Variants in GRIN3A observed in about 807,000 individuals in gnomAD.
GRIN3A encodes the protein glutamate ionotropic receptor NMDA type subunit 3A, also known as glutamate receptor ionotropic, NMDA 3A.
In GRIN3A, 47 loss-of-function variants were observed where a neutral mutation model predicts 92.4. The ratio of observed to expected loss-of-function variants is 0.51; its 90% confidence interval spans 0.40 to 0.65. GRIN3A has a LOEUF of 0.65. Ranked by LOEUF, GRIN3A falls within the 30% of genes least tolerant of loss-of-function variation. GRIN3A has a pLI of 0.00. For synonymous variants in GRIN3A, 527 were observed against 540.6 expected, an observed-to-expected ratio of 0.97 and a Z score of 0.35; for missense variants, 1,324 against 1,393.1, an observed-to-expected ratio of 0.95 and a Z score of 0.79.
At chr9:101,662,397 G>T (rs866355405) in intron 3 of GRIN3A, among the ~76,000 whole-genome samples, 47 of 151,800 alleles carry the variant, frequency 3.1e-4, no homozygotes, top group African/African-American at 1.1e-3. Context: ...ACTATGCAAG[G>T]TGCTTTACTT....
intron 3 of GRIN3A, among the ~76,000 whole-genome samples, chr9:101,649,433 C>G (rs1239111542): frequency 6.6e-6 from 1 of 151,962 alleles, no homozygotes; most frequent in Non-Finnish European, 1.5e-5. Context: ...ATATTAGCAT[C>G]CCCAGTGGTT....
At chr9:101,697,377 G>A (rs1341212003) in intron 1 of GRIN3A, among the ~76,000 whole-genome samples, 1 of 152,118 alleles carries the variant, frequency 6.6e-6, no homozygotes, top group African/African-American at 2.4e-5. Context: ...GGTCACAGAG[G>A]CAATACTTTC....
chr9:101,587,221 A>G (rs1367248633), intron 6 of GRIN3A, among the ~76,000 whole-genome samples: 6 of 151,826 alleles, frequency 4.0e-5, no homozygotes, highest in Non-Finnish European at 8.8e-5. Context: ...GAGGCAGGAG[A>G]ATTGCTTGAA....
chr9:101,598,424 T>A lies in GRIN3A; in HGVS notation c.2766+14952A>T, dbSNP rs144211217. Among the ~76,000 whole-genome samples, 183 of 152,204 alleles carry A rather than the reference T, an allele frequency of 1.2e-3. 1 individual carries two copies. Among genetic ancestry groups the A allele is most frequent in the African/African-American group, 4.3e-3 (177 of 41,530 alleles). ...TTGAATTAATTAGGTTAAAAAGAGGTATTATTAATTAGGTATTATATTATA... is the reference window on the plus strand; with the variant it reads ...TTGAATTAATTAGGTTAAAAAGAGGAATTATTAATTAGGTATTATATTATA... On this transcript the variant is annotated intron_variant, in intron 6 of 8. Coordinates refer to ENST00000361820, the MANE Select transcript of GRIN3A (RefSeq NM_133445.3).
intron 3 of GRIN3A, among the ~76,000 whole-genome samples, chr9:101,637,568 A>G (rs1194354839): frequency 6.6e-6 from 1 of 152,166 alleles, no homozygotes; most frequent in Non-Finnish European, 1.5e-5. Flanking sequence ...TCTATTAAAT[A>G]TTTCCCATTT....
At position 101,670,545 on chromosome 9, in the gene GRIN3A, C is replaced by A; in HGVS notation, c.1867G>T (p.Gly623Trp). 6.2e-7 allele frequency: 1 copy of A among 1,614,022 alleles called. No individual in the cohort carries two copies. Among genetic ancestry groups the A allele is most frequent in the Non-Finnish European group, 8.5e-7 (1 of 1,179,958 alleles). The change falls in exon 3 of 9, where the codon GGG (glycine) becomes TGG (tryptophan). Residue 623 changes from glycine to tryptophan, a missense_variant. Physicochemically the swap from Gly to Trp is radical, Grantham distance 184. Transcript: ENST00000361820. ...WTGLVGDLLR[G>W]TAHMAVTSFS... ...GAAGTGACTGCCATGTGGGCAGTCC[C>A]TCTCAGGAGATCACCCACTAGCCCA...
rs574535194 is a variant in GRIN3A, at chr9:101,617,972, T to G, written c.2615-4445A>C. On this transcript the variant is annotated intron_variant, in intron 5 of 8. Transcript: ENST00000361820. ...TTCATCCATGTCCCTACAAAGGACA[T>G]GAACTCATCATTTTTTATGGCTGCA... Among the ~76,000 whole-genome samples, 49 of 152,144 alleles carry G rather than the reference T, an allele frequency of 3.2e-4. No homozygotes were observed. In the South Asian group the frequency reaches 6.4e-3, roughly 20 times the overall value.
intron 2 of GRIN3A, among the ~76,000 whole-genome samples, chr9:101,673,827 G>C (rs770752645): frequency 2.0e-5 from 3 of 152,044 alleles, no homozygotes; most frequent in Admixed American, 6.6e-5. Flanking sequence ...TGGTCTCAAG[G>C]AGCTCAAGAA....
At chr9:101,645,502 T>C (rs1828925868) in intron 3 of GRIN3A, among the ~76,000 whole-genome samples, 1 of 151,734 alleles carries the variant, frequency 6.6e-6, no homozygotes, top group South Asian at 2.1e-4. Context: ...CTTTTGGATA[T>C]ATACCCAGCA....
chr9:101,737,389 G>T lies in GRIN3A; in HGVS notation c.591C>A (p.Leu197=). Residue 197 remains leucine, a synonymous_variant, in exon 1 of 9, where the codon CTC becomes CTA. Transcript: ENST00000361820. ...TTTCGCCCTGGCTCTGGGGGAAGGC[G>T]AGCAGCGCCGACACCCCTTGCACCA... ...TVVVQGVSAL[L]AFPQSQGEMM... is the part of the protein sequence containing the mutation. 6.2e-7 allele frequency: 1 copy of T among 1,614,202 alleles called. No homozygotes were observed. Among genetic ancestry groups the T allele is most frequent in the Non-Finnish European group, 8.5e-7 (1 of 1,180,030 alleles).
At chr9:101,642,587 T>C (rs548234563) in intron 3 of GRIN3A, among the ~76,000 whole-genome samples, 18 of 152,250 alleles carry the variant, frequency 1.2e-4, no homozygotes, top group Non-Finnish European at 2.6e-4. Context: ...ACCCAAGCCA[T>C]ATCCTCAGCC....
chr9:101,634,046 C>T (rs1429355018), intron 3 of GRIN3A, among the ~76,000 whole-genome samples: 1 of 152,040 alleles, frequency 6.6e-6, no homozygotes, highest in Non-Finnish European at 1.5e-5. Context: ...GAAAATTACT[C>T]CTCCTGGCCG....
At position 101,628,331 on chromosome 9, in the gene GRIN3A, T is replaced by C; in HGVS notation, c.2423A>G (p.Gln808Arg). 6.2e-7 allele frequency: 1 copy of C among 1,614,008 alleles called. No individual in the cohort carries two copies. Among genetic ancestry groups the C allele is most frequent in the Non-Finnish European group, 8.5e-7 (1 of 1,179,900 alleles). Reference sequence around the variant, plus strand: ...ATATTCATGCATCTCTGGGAAACTTTGTCTCACATAATCTTCAGCACTGCT... The same window carrying C: ...ATATTCATGCATCTCTGGGAAACTTCGTCTCACATAATCTTCAGCACTGCT... Reference protein sequence around the residue: ...RESSAEDYVRQSFPEMHEYMR... With the variant: ...RESSAEDYVRRSFPEMHEYMR... Residue 808 changes from glutamine to arginine, a missense_variant, in exon 4 of 9, where the codon CAA becomes CGA. Gln to Arg is a conservative substitution (Grantham distance 43). Coordinates refer to ENST00000361820, the MANE Select transcript of GRIN3A (RefSeq NM_133445.3).
rs576872793 is a variant in GRIN3A, at chr9:101,642,631, T to C, written c.2353-14230A>G. Among the ~76,000 whole-genome samples the C allele has an allele frequency of 2.6e-5, 4 of 152,288 alleles. No individual in the cohort carries two copies. In the East Asian group the frequency reaches 5.8e-4, roughly 22 times the overall value. Reference sequence around the variant, plus strand: ...AACTGGTCCATGGCCTGTTAAGAACTGGCCACACAGCAAGAGATGACTGGT... The same window carrying C: ...AACTGGTCCATGGCCTGTTAAGAACCGGCCACACAGCAAGAGATGACTGGT... On this transcript the variant is annotated intron_variant, in intron 3 of 8. Transcript: ENST00000361820.
At chr9:101,646,888 GT>G (rs1239748070) in intron 3 of GRIN3A, among the ~76,000 whole-genome samples, 5 of 151,304 alleles carry the variant, frequency 3.3e-5, no homozygotes, top group Middle Eastern at 3.4e-3. Context: ...AGCTCTAATA[GT>G]TTTTTTTGTA....
intron 2 of GRIN3A, among the ~76,000 whole-genome samples, chr9:101,682,754 G>A (rs1334079288): frequency 3.9e-5 from 6 of 152,092 alleles, no homozygotes; most frequent in East Asian, 3.9e-4. Flanking sequence ...AGGCCGAGGC[G>A]GGCGGATCAT....
chr9:101,600,274 G>A (rs57106833), intron 6 of GRIN3A, among the ~76,000 whole-genome samples: 3,250 of 152,248 alleles, frequency 0.021, 122 homozygotes, highest in African/African-American at 0.074. Flanking sequence ...AAAAACTCAA[G>A]TAGACTGTAT....
At chr9:101,623,277 A>C (rs1828582150) in intron 5 of GRIN3A, 41 bp downstream of exon 5, 1 of 1,359,104 alleles carries the variant, frequency 7.4e-7, no homozygotes, top group Admixed American at 1.7e-5. Context: ...CAAACTGAGC[A>C]CATCCTGAGT....
At chr9:101,719,601 A>G (rs1337806407) in intron 1 of GRIN3A, among the ~76,000 whole-genome samples, 3 of 152,108 alleles carry the variant, frequency 2.0e-5, no homozygotes. Flanking sequence ...CTCATTCTGC[A>G]AGGAGAACCT....
Sources: allele counts gnomAD v4.1 joint callset (sites outside exome capture counted in the v4.1 genomes callset), GRCh38; gene constraint gnomAD v4.1.1; transcripts MANE v1.5; gene names NCBI Gene and HGNC (gene_info 2026-07-23, HGNC 2026-07-21).